Variants in DDX60L observed in about 807,000 individuals in gnomAD.
DDX60L encodes the protein probable ATP-dependent RNA helicase DDX60-like.
Under a neutral mutation model 211.6 loss-of-function variants are expected in DDX60L, and 191 were observed. That is an observed-to-expected ratio of 0.90 (90% confidence interval 0.80 to 1.02). The LOEUF is 1.02. DDX60L is among the 50% of genes least tolerant of loss of function. The pLI is 0.00. For synonymous variants in DDX60L, 706 were observed against 694.1 expected (o/e 1.02, Z -0.27); for missense variants, 2,007 against 1,984.1 (o/e 1.01, Z -0.22).
Position 168,391,642 on chromosome 4 carries a change from T to C in DDX60L, c.3813A>G (p.Val1271=), listed in dbSNP as rs1465555839. Residue 1271 remains valine, a splice_region_variant and synonymous_variant, in exon 29 of 38, where the codon GTA becomes GTG. Coordinates refer to ENST00000682922, the MANE Select transcript of DDX60L (RefSeq NM_001012967.3). ...AGGCAAGTGTTTCAGTAGCTGTCACTACCTAGGAAAAAAAAAAAAAAACAG... is the reference window on the plus strand; with the variant it reads ...AGGCAAGTGTTTCAGTAGCTGTCACCACCTAGGAAAAAAAAAAAAAAACAG... ...EILFVKGLIR[V]VTATETLALG... is the part of the protein sequence containing the mutation. The C allele has an allele frequency of 1.4e-6, 2 of 1,415,864 alleles. No homozygotes were observed. Among genetic ancestry groups the C allele is most frequent in the Admixed American group, 2.5e-5 (1 of 39,634 alleles). The allele number at this position is 1,415,864 out of a possible 1,614,324, so 87.7% of individuals were successfully genotyped here. A position where few individuals can be genotyped will look rare whatever the true frequency, so the allele number is the denominator to read the frequency against.
At chr4:168,422,959 G>A (rs986771558) in intron 15 of DDX60L, among the ~76,000 whole-genome samples, 8 of 129,112 alleles carry the variant, frequency 6.2e-5, no homozygotes, top group African/African-American at 1.9e-4. Flanking sequence ...GCTATCAATT[G>A]TGGCTAATAT....
chr4:168,374,334 G>A (rs1741560779), intron 34 of DDX60L, among the ~76,000 whole-genome samples: 2 of 152,096 alleles, frequency 1.3e-5, no homozygotes. Context: ...TAGCTACAAT[G>A]CTTACCTCCC....
At chr4:168,442,092 C>T (rs1273487841) in intron 9 of DDX60L, among the ~76,000 whole-genome samples, 2 of 151,972 alleles carry the variant, frequency 1.3e-5, no homozygotes, top group South Asian at 2.1e-4. Flanking sequence ...TATGAGGTAC[C>T]GGGTTCATCT....
rs775616701 is a variant in DDX60L at position 168,471,740 on chromosome 4, A to G, written c.264+7T>C. On this transcript the variant is annotated splice_region_variant and intron_variant, in intron 4 of 37. Transcript: ENST00000682922. The stretch of plus-strand genomic sequence containing the variant: ...GGACTAAAACGACATCAATCATCAT[A>G]TATTACCTTAAAGAAAACTATGGTG... 1.3e-6 allele frequency: 2 copies of G among 1,587,254 alleles called. No individual in the cohort carries two copies. Among genetic ancestry groups the G allele is most frequent in the South Asian group, 1.2e-5 (1 of 85,900 alleles).
chr4:168,452,245 T>C (rs1755900379), intron 8 of DDX60L, among the ~76,000 whole-genome samples: 1 of 152,214 alleles, frequency 6.6e-6, no homozygotes, highest in African/African-American at 2.4e-5. Flanking sequence ...ATCCTCAAAT[T>C]TTCCATACCT....
intron 22 of DDX60L, 148 bp from the exon 23 acceptor site, chr4:168,406,854 T>G (rs1747830233): frequency 1.6e-6 from 1 of 613,934 alleles, no homozygotes; most frequent in South Asian, 2.1e-5. Context: ...ATTTCACCTC[T>G]GCAAGGATCT....
rs577954084 is a variant in DDX60L, at chr4:168,448,524, C to T, written c.1138+114G>A. The T allele has an allele frequency of 2.2e-3, 1,614 of 721,318 alleles. 3 individuals carry two copies. Among genetic ancestry groups the T allele is most frequent in the Non-Finnish European group, 3.1e-3 (1,363 of 446,250 alleles). The allele number at this position is 721,318 out of a possible 1,614,324, so 44.7% of individuals were successfully genotyped here. A position where few individuals can be genotyped will look rare whatever the true frequency, so the allele number is the denominator to read the frequency against. ...AAATAAAATACGTAAAAAGTATGTA[C>T]ACACACAAAGGTTTTCAAGAAACAA... On this transcript the variant is annotated intron_variant, in intron 9 of 37. Transcript: ENST00000682922.
chr4:168,411,730 G>C (rs1344382621), intron 22 of DDX60L, among the ~76,000 whole-genome samples: 1 of 152,050 alleles, frequency 6.6e-6, no homozygotes, highest in East Asian at 1.9e-4. Flanking sequence ...ATGGACTTGG[G>C]GTGTATGCAA....
chr4:168,412,297 A>G (rs1579464560), intron 22 of DDX60L, among the ~76,000 whole-genome samples: 1 of 152,036 alleles, frequency 6.6e-6, no homozygotes, highest in African/African-American at 2.4e-5. Context: ...GGGGTCCCCA[A>G]GTGCAGGCCC....
intron 35 of DDX60L, among the ~76,000 whole-genome samples, chr4:168,373,266 A>T (rs1741343149): frequency 6.6e-6 from 1 of 152,152 alleles, no homozygotes; most frequent in South Asian, 2.1e-4. Context: ...AGAACCTCCC[A>T]GAGGTTCTAA....
rs763440719 is a variant in DDX60L, at chr4:168,453,243, A to C, written c.877T>G (p.Phe293Val). The C allele has an allele frequency of 6.2e-7, 1 of 1,612,798 alleles. No homozygotes were observed. Among genetic ancestry groups the C allele is most frequent in the South Asian group, 1.1e-5 (1 of 90,866 alleles). Reference protein sequence around the residue: ...NCLSLQEVEDFCRLRCLCVAF... With the variant: ...NCLSLQEVEDVCRLRCLCVAF... Reference sequence around the variant, plus strand: ...ACACAGAGGCAACGCAGTCTGCAGAAATCTTCCACCTCCTGCAGGGATAGG... The same window carrying C: ...ACACAGAGGCAACGCAGTCTGCAGACATCTTCCACCTCCTGCAGGGATAGG... Residue 293 changes from phenylalanine (F) to valine (V), a missense_variant, in exon 8 of 38, where the codon TTC becomes GTC. By Grantham distance (50) the Phe-to-Val change is conservative. Coordinates refer to ENST00000682922, the MANE Select transcript of DDX60L (RefSeq NM_001012967.3).
chr4:168,377,222 G>A (rs776882849), intron 33 of DDX60L, among the ~76,000 whole-genome samples: 1 of 152,074 alleles, frequency 6.6e-6, no homozygotes, highest in Admixed American at 6.6e-5. Flanking sequence ...AACCTGGGAG[G>A]TGGAAGTTGC....
At chr4:168,437,484 G>A (rs888646825) in intron 10 of DDX60L, among the ~76,000 whole-genome samples, 11 of 150,628 alleles carry the variant, frequency 7.3e-5, no homozygotes, top group East Asian at 1.9e-4. Flanking sequence ...TCCAACCCCC[G>A]CAACTAACTG....
At chr4:168,459,295 G>C (rs1281015681) in intron 5 of DDX60L, among the ~76,000 whole-genome samples, 1 of 151,872 alleles carries the variant, frequency 6.6e-6, no homozygotes, top group Non-Finnish European at 1.5e-5. Flanking sequence ...AAACCAGCCT[G>C]GGCAACATAG....
chr4:168,450,528 C>T (rs1348246745), intron 8 of DDX60L, among the ~76,000 whole-genome samples: 1 of 151,858 alleles, frequency 6.6e-6, no homozygotes, highest in African/African-American at 2.4e-5. Flanking sequence ...GAAAGAGTTG[C>T]CTCCACTACC....
chr4:168,420,311 G>A lies in DDX60L; in HGVS notation c.2464C>T (p.Leu822=). Residue 822 remains leucine, a synonymous_variant, in exon 18 of 38, where the codon CTA becomes TTA. Transcript: ENST00000682922. ...FTKTLPAGRT[L]CGAFTRDYCH... ...TAATCTCTTGTAAAAGCACCGCATA[G>A]AGTTCTGCCGGCAGGCAACGTTTTA... 2 of 1,611,714 alleles carry A rather than the reference G, an allele frequency of 1.2e-6. No homozygotes were observed. Among genetic ancestry groups the A allele is most frequent in the Non-Finnish European group, 1.7e-6 (2 of 1,179,050 alleles).
rs775311916 is a variant in DDX60L at position 168,441,494 on chromosome 4, T to C, written c.1139-2A>G. 3.2e-6 allele frequency: 5 copies of C among 1,584,520 alleles called. No homozygotes were observed. Among genetic ancestry groups the C allele is most frequent in the East Asian group, 2.3e-5 (1 of 44,318 alleles). On this transcript the variant is annotated splice_acceptor_variant, in intron 9 of 37. Coordinates refer to ENST00000682922, the MANE Select transcript of DDX60L (RefSeq NM_001012967.3). LOFTEE classifies it high-confidence loss of function. ...AATCTCCCAAATTCAAATGTGGTTC[T>C]GCATAACAATAAAAAATATTAAAAT...
intron 22 of DDX60L, among the ~76,000 whole-genome samples, chr4:168,407,484 C>T (rs1254478705): frequency 2.6e-5 from 4 of 152,236 alleles, no homozygotes; most frequent in East Asian, 1.9e-4. Flanking sequence ...GATAAAGTAA[C>T]ATCTAAACCG....
intron 10 of DDX60L, among the ~76,000 whole-genome samples, chr4:168,438,511 C>T (rs1753382830): frequency 2.6e-5 from 4 of 152,208 alleles, no homozygotes; most frequent in Non-Finnish European, 5.9e-5. Context: ...AAGAATAAAC[C>T]TCTTTAAAAT....
Sources: gnomAD v4.1 joint callset for allele counts (sites outside exome capture counted in the v4.1 genomes callset) on GRCh38, gnomAD v4.1.1 for gene constraint, MANE v1.5 for transcripts, NCBI Gene and HGNC (gene_info 2026-07-23, HGNC 2026-07-21) for gene names.